Variants in SP3 observed in about 807,000 individuals in gnomAD.
SP3 encodes transcription factor Sp3.
In SP3, 10 loss-of-function variants were observed where a neutral mutation model predicts 70.3. The ratio of observed to expected loss-of-function variants is 0.14; its 90% CI spans 0.09 to 0.24. The LOEUF (loss-of-function observed/expected upper bound fraction) is 0.24. Among genes scored for constraint, SP3 ranks in the 10% least tolerant of loss-of-function variants. The pLI is 1.00. For synonymous variants in SP3, 402 were observed against 333.5 expected (o/e 1.21, Z -2.24); for missense variants, 825 against 914.6 (o/e 0.90, Z 1.26).
At chr2:173,963,374 A>T (rs1691149517) in intron 3 of SP3, 1 of 152,260 alleles carries the variant, frequency 6.6e-6, no homozygotes, top group South Asian at 2.1e-4. Flanking sequence ...GTTCAAAAAT[A>T]ATAAAAACTA....
rs190989271 is a variant in SP3, at chr2:173,949,222, C to T, written c.1639+5651G>A. On this transcript the variant is annotated intron_variant, in intron 4 of 6. Transcript: ENST00000310015. Reference sequence around the variant, plus strand: ...TGTGCATTTCTATAATCAACCAGTTCTGACAGTGATCCCTTAGGTAAAATC... The same window carrying T: ...TGTGCATTTCTATAATCAACCAGTTTTGACAGTGATCCCTTAGGTAAAATC... Among the ~76,000 whole-genome samples the T allele has an allele frequency of 5.3e-3, 813 of 152,214 alleles. 9 individuals carry two copies. Among genetic ancestry groups the T allele is most frequent in the Middle Eastern group, 0.014 (4 of 292 alleles).
intron 4 of SP3, among the ~76,000 whole-genome samples, chr2:173,950,937 C>T (rs1690693740): frequency 6.6e-6 from 1 of 152,058 alleles, no homozygotes; most frequent in Non-Finnish European, 1.5e-5. Flanking sequence ...AAATAATTTC[C>T]CCGTTCCTTT....
chr2:173,956,267 G>A (rs1280259181), intron 3 of SP3, 35 bp from the exon 4 acceptor site: 2 of 1,525,710 alleles, frequency 1.3e-6, no homozygotes, highest in South Asian at 1.3e-5. Flanking sequence ...ATATATTTGT[G>A]GTATATTTAA....
chr2:173,929,061 C>T (rs1341340933), intron 4 of SP3, among the ~76,000 whole-genome samples: 3 of 151,840 alleles, frequency 2.0e-5, no homozygotes, highest in Non-Finnish European at 1.5e-5. Context: ...CATGACAGTG[C>T]CTCAGGAGTC....
intron 4 of SP3, among the ~76,000 whole-genome samples, chr2:173,933,651 T>TATATATAC (rs1690131930): frequency 7.2e-6 from 1 of 139,796 alleles, no homozygotes; most frequent in Admixed American, 7.1e-5. Flanking sequence ...TATATATATA[T>TATATATAC]ATATATATAT....
At chr2:173,964,852 C>G (rs924641306) in intron 1 of SP3, 1 of 484,474 alleles carries the variant, frequency 2.1e-6, no homozygotes, top group African/African-American at 2.1e-5. Flanking sequence ...CGCTCTCACT[C>G]GCGCTCGCTC....
At chr2:173,919,282 T>G (rs539074107) in intron 4 of SP3, among the ~76,000 whole-genome samples, 13 of 152,332 alleles carry the variant, frequency 8.5e-5, no homozygotes, top group South Asian at 2.1e-4. Context: ...TTATACCCAA[T>G]GTCTAATCAC....
Position 173,955,048 on chromosome 2 carries a change from A to C in SP3, c.1464T>G (p.Thr488=), listed in dbSNP as rs764110792. 22 of 1,614,082 alleles carry C rather than the reference A, an allele frequency of 1.4e-5. No individual in the cohort carries two copies. The highest frequency in any genetic ancestry group is 1.8e-5 in the Non-Finnish European group (21 of 1,180,040). ...QIQNTAAQQI[T]LTPVQTLTLG... is the part of the protein sequence containing the mutation. ...GTGTGAGGGTTTGAACAGGCGTCAA[A>C]GTTATTTGTTGGGCAGCAGTATTCT... Residue 488 remains threonine, a synonymous_variant, in exon 4 of 7, where the codon ACT becomes ACG. Coordinates refer to ENST00000310015, the MANE Select transcript of SP3 (RefSeq NM_003111.5).
chr2:173,963,730 T>A, intron 3 of SP3, 31 bp downstream of exon 3: 1 of 923,426 alleles, frequency 1.1e-6, no homozygotes, highest in Middle Eastern at 5.3e-4. Flanking sequence ...GCGCCCGGCC[T>A]CGGCGGGGGC....
chr2:173,918,909 G>T, intron 4 of SP3, 124 bp from the exon 5 acceptor site: 1 of 760,244 alleles, frequency 1.3e-6, no homozygotes, highest in Non-Finnish European at 2.0e-6. Flanking sequence ...TGCCTAGACT[G>T]TTTTCCAGTT....
intron 6 of SP3, 27 bp from the exon 7 acceptor site, chr2:173,910,284 G>C: frequency 6.2e-7 from 1 of 1,603,448 alleles, no homozygotes; most frequent in East Asian, 2.2e-5. Context: ...TAAGTTACTT[G>C]GTTTTAAAAA....
chr2:173,939,080 T>C (rs896827830), intron 4 of SP3, among the ~76,000 whole-genome samples: 3 of 151,960 alleles, frequency 2.0e-5, no homozygotes, highest in Non-Finnish European at 4.4e-5. Flanking sequence ...AGTGCAGAGG[T>C]TGAGAAATCA....
Position 173,907,647 on chromosome 2 carries a change from C to T in SP3, c.*2294G>A, listed in dbSNP as rs985346558. ...AAAAATCCAGTATTACTTAAAACAT[C>T]TCTACTATCATTCAAATGGTTTAAT... On this transcript the variant is annotated 3_prime_UTR_variant, in exon 7 of 7. Coordinates refer to ENST00000310015, the MANE Select transcript of SP3 (RefSeq NM_003111.5). 2.6e-5 allele frequency: 4 copies of T among 152,088 alleles called. No individual in the cohort carries two copies. The highest frequency in any genetic ancestry group is 9.7e-5 in the African/African-American group (4 of 41,440). 9.4% of individuals were successfully genotyped at this position (152,088 alleles called of 1,614,324 possible).
upstream of SP3, chr2:173,965,396 CTCT>C: frequency 1.8e-6 from 1 of 566,980 alleles, no homozygotes; most frequent in East Asian, 3.2e-5. Context: ...ACTCCCGCCC[CTCT>C]TCTTGGCTCT....
upstream of SP3, chr2:173,965,412 T>G: frequency 1.1e-5 from 6 of 538,588 alleles, no homozygotes; most frequent in East Asian, 3.4e-5. Flanking sequence ...TTGGCTCTCA[T>G]TCGCCGCCGT....
Position 173,906,296 on chromosome 2 carries a change from G to A in SP3, c.*3645C>T, listed in dbSNP as rs1372139878. ...ACTAATATATATATTTACATTATACGCAAATCTGTCTGAACAAGGCAAGGG... is the reference window on the plus strand; with the variant it reads ...ACTAATATATATATTTACATTATACACAAATCTGTCTGAACAAGGCAAGGG... On this transcript the variant is annotated 3_prime_UTR_variant, in exon 7 of 7. Coordinates refer to ENST00000310015, the MANE Select transcript of SP3 (RefSeq NM_003111.5). Among the ~76,000 whole-genome samples, 4 of 151,972 alleles carry A rather than the reference G, an allele frequency of 2.6e-5. No homozygotes were observed. The East Asian group carries it at 5.8e-4, about 22-fold the overall frequency.
intron 4 of SP3, among the ~76,000 whole-genome samples, chr2:173,951,367 C>T (rs1196758059): frequency 6.6e-6 from 1 of 152,126 alleles, no homozygotes; most frequent in East Asian, 1.9e-4. Flanking sequence ...TATACTGATA[C>T]TTACCATATC....
Position 173,910,260 on chromosome 2 carries a change from G to A in SP3, c.2030-3C>T, listed in dbSNP as rs747842049. On this transcript the variant is annotated splice_region_variant and splice_polypyrimidine_tract_variant and intron_variant, in intron 6 of 6. Transcript: ENST00000310015. Reference sequence around the variant, plus strand: ...TGGACAAACAAATTTCTTCTCACCTGTTAAGAAAAAAATTAAGTTACTTGG... The same window carrying A: ...TGGACAAACAAATTTCTTCTCACCTATTAAGAAAAAAATTAAGTTACTTGG... The A allele has an allele frequency of 6.2e-7, 1 of 1,610,926 alleles. No individual in the cohort carries two copies. Among genetic ancestry groups the A allele is most frequent in the Non-Finnish European group, 8.5e-7 (1 of 1,178,750 alleles).
chr2:173,938,653 T>C (rs541745229), intron 4 of SP3, among the ~76,000 whole-genome samples: 2 of 151,492 alleles, frequency 1.3e-5, no homozygotes, highest in Non-Finnish European at 2.9e-5. Flanking sequence ...ATGTTAGCTA[T>C]AATACAAGAC....
Sources: gnomAD v4.1 joint callset for allele counts (sites outside exome capture counted in the v4.1 genomes callset) on GRCh38, gnomAD v4.1.1 for gene constraint, MANE v1.5 for transcripts, NCBI Gene and HGNC (gene_info 2026-07-23, HGNC 2026-07-21) for gene names.